CCDC178: variants seen among roughly 807,000 people sequenced by gnomAD.
The protein encoded by CCDC178 is coiled-coil domain-containing protein 178.
CCDC178 carries 126 observed loss-of-function variants against 117.4 expected under a neutral mutation model. The ratio of observed to expected loss-of-function variants is 1.07; its 90% confidence interval spans 0.93 to 1.24. CCDC178 has a LOEUF of 1.24. CCDC178 is among the 50% of genes most tolerant of loss of function. The pLI is 0.00. For missense variants in CCDC178, 1,030 were observed against 986.9 expected, an observed-to-expected ratio of 1.04 and a Z score of -0.59; for synonymous variants, 283 against 313.4, an observed-to-expected ratio of 0.90 and a Z score of 1.02.
At chr18:33,096,361 T>C (rs936860382) in intron 20 of CCDC178, among the ~76,000 whole-genome samples, 1 of 145,058 alleles carries the variant, frequency 6.9e-6, no homozygotes, top group Non-Finnish European at 1.5e-5. Context: ...TATAAAAATA[T>C]AAAATTTTTA....
chr18:33,023,875 A>G (rs2056172008), intron 21 of CCDC178, among the ~76,000 whole-genome samples: 1 of 152,218 alleles, frequency 6.6e-6, no homozygotes, highest in Non-Finnish European at 1.5e-5. Context: ...AGAAGGGAAG[A>G]GACAAGTTAC....
intron 14 of CCDC178, among the ~76,000 whole-genome samples, chr18:33,264,952 C>T (rs1335280714): frequency 6.6e-6 from 1 of 152,062 alleles, no homozygotes; most frequent in South Asian, 2.1e-4. Flanking sequence ...CTGTCACACA[C>T]TCTCCCTTTC....
intron 6 of CCDC178, among the ~76,000 whole-genome samples, chr18:33,369,143 G>A (rs141256262): frequency 2.6e-5 from 4 of 151,890 alleles, no homozygotes; most frequent in African/African-American, 7.2e-5. Flanking sequence ...AAACAACAAA[G>A]GTAACACAAT....
intron 20 of CCDC178, among the ~76,000 whole-genome samples, chr18:33,115,195 G>A (rs1051605068): frequency 7.2e-5 from 11 of 151,816 alleles, no homozygotes; most frequent in Non-Finnish European, 1.6e-4. Flanking sequence ...TATTATCTTC[G>A]CCATTTACTC....
At chr18:33,027,547 T>C (rs796297015) in intron 21 of CCDC178, among the ~76,000 whole-genome samples, 6 of 151,772 alleles carry the variant, frequency 4.0e-5, no homozygotes, top group African/African-American at 1.4e-4. Context: ...CAGAAATATA[T>C]ATCATAAAGC....
intron 21 of CCDC178, among the ~76,000 whole-genome samples, chr18:33,092,534 T>C (rs1217338328): frequency 1.3e-5 from 2 of 152,108 alleles, no homozygotes; most frequent in Non-Finnish European, 2.9e-5. Context: ...CAAAATCAAA[T>C]TACTATAGAA....
upstream of CCDC178, chr18:33,440,964 A>C (rs939358875): frequency 2.0e-5 from 3 of 152,380 alleles, no homozygotes; most frequent in African/African-American, 7.2e-5. Context: ...AGAGGGAAGG[A>C]GTGGAGACGA....
intron 5 of CCDC178, 21 bp downstream of exon 5, chr18:33,389,519 T>C (rs2063538621): frequency 1.5e-5 from 18 of 1,226,596 alleles, no homozygotes; most frequent in Non-Finnish European, 2.0e-5. Flanking sequence ...GTTTACTATA[T>C]GATTTACATT....
chr18:33,342,776 T>G (rs2062833004), intron 9 of CCDC178, among the ~76,000 whole-genome samples: 1 of 152,208 alleles, frequency 6.6e-6, no homozygotes. Context: ...TGCTTATTGT[T>G]GTAAGCCACT....
At chr18:33,237,019 T>C (rs2059433074) in intron 15 of CCDC178, among the ~76,000 whole-genome samples, 1 of 152,110 alleles carries the variant, frequency 6.6e-6, no homozygotes, top group African/African-American at 2.4e-5. Context: ...TTGCTTCAAA[T>C]TAGAGGAACA....
At chr18:32,980,570 C>A (rs1233446877) in intron 21 of CCDC178, among the ~76,000 whole-genome samples, 60 of 76,320 alleles carry the variant, frequency 7.9e-4, no homozygotes, top group African/African-American at 2.6e-3. Context: ...GACTCCGTCT[C>A]AAAAAAAAAA....
At position 33,345,567 on chromosome 18, in the gene CCDC178, C is replaced by T. The variant is rs565748223; in HGVS notation, c.658+644G>A. Among the ~76,000 whole-genome samples the T allele has an allele frequency of 2.6e-5, 4 of 152,270 alleles. No homozygotes were observed. In the East Asian group the frequency reaches 7.7e-4, roughly 29 times the overall value. On this transcript the variant is annotated intron_variant, in intron 9 of 22. Transcript: ENST00000383096. ...TATCACTTAAAACTCTTTCAATTTT[C>T]CTAGACCTAAAAATGTGGCTAATGA...
At chr18:33,193,551 C>T (rs1365247690) in intron 20 of CCDC178, among the ~76,000 whole-genome samples, 1 of 152,060 alleles carries the variant, frequency 6.6e-6, no homozygotes, top group Admixed American at 6.6e-5. Context: ...AACATTGCAA[C>T]ATTTTTTATA....
At chr18:33,383,944 G>T (rs1239848523) in intron 5 of CCDC178, among the ~76,000 whole-genome samples, 1 of 152,062 alleles carries the variant, frequency 6.6e-6, no homozygotes, top group Non-Finnish European at 1.5e-5. Flanking sequence ...CTAACACAAT[G>T]CAAAGAAGCT....
chr18:33,100,933 G>C (rs1036362787), intron 20 of CCDC178, among the ~76,000 whole-genome samples: 2 of 151,804 alleles, frequency 1.3e-5, no homozygotes, highest in Non-Finnish European at 2.9e-5. Flanking sequence ...GCAAAAATCG[G>C]TTTCACCTAA....
chr18:33,303,573 A>G (rs1003197009), intron 11 of CCDC178, among the ~76,000 whole-genome samples: 6 of 152,130 alleles, frequency 3.9e-5, no homozygotes, highest in African/African-American at 1.2e-4. Context: ...TATGGGATGC[A>G]GACAGTATGG....
chr18:33,092,650 AT>A, intron 21 of CCDC178, 110 bp downstream of exon 21: 1 of 614,986 alleles, frequency 1.6e-6, no homozygotes, highest in Non-Finnish European at 2.9e-6. Context: ...AAAATAGGCC[AT>A]GTTGTGGATA....
intron 21 of CCDC178, among the ~76,000 whole-genome samples, chr18:32,988,583 A>G (rs1207336388): frequency 6.6e-6 from 1 of 152,130 alleles, no homozygotes; most frequent in Non-Finnish European, 1.5e-5. Flanking sequence ...GTAGATTAAG[A>G]GCTTTTCATC....
At chr18:33,060,067 A>G (rs1026579403) in intron 21 of CCDC178, among the ~76,000 whole-genome samples, 2 of 151,998 alleles carry the variant, frequency 1.3e-5, no homozygotes, top group African/African-American at 4.8e-5. Context: ...TTTCTTTTCT[A>G]CCATGTCAGC....
Sources: gnomAD v4.1 joint callset for allele counts (sites outside exome capture counted in the v4.1 genomes callset) on GRCh38, gnomAD v4.1.1 for gene constraint, MANE v1.5 for transcripts, NCBI Gene and HGNC (gene_info 2026-07-23, HGNC 2026-07-21) for gene names.